Variants in TMIGD2 observed in about 807,000 individuals in gnomAD.
TMIGD2 encodes transmembrane and immunoglobulin domain containing 2, also known as transmembrane and immunoglobulin domain-containing protein 2.
In TMIGD2, 18 loss-of-function variants were observed where a neutral mutation model predicts 22.6. The observed-to-expected ratio is 0.80, with a 90% CI of 0.55 to 1.18. The LOEUF is 1.18. Among genes scored for constraint, TMIGD2 ranks in the 50% most tolerant of loss-of-function variants. The pLI is 0.00. For synonymous variants in TMIGD2, 184 were observed against 154.1 expected (o/e 1.19, Z -1.44); for missense variants, 361 against 378.2 (o/e 0.95, Z 0.38).
intron 1 of TMIGD2, among the ~76,000 whole-genome samples, chr19:4,299,537 C>T (rs1273024447): frequency 6.6e-6 from 1 of 151,444 alleles, no homozygotes; most frequent in Non-Finnish European, 1.5e-5. Context: ...CCATCTCACT[C>T]TGTTGCCCAG....
chr19:4,297,359 G>C (rs1424192255), intron 2 of TMIGD2, among the ~76,000 whole-genome samples: 1 of 151,392 alleles, frequency 6.6e-6, no homozygotes, highest in African/African-American at 2.4e-5. Flanking sequence ...ATGAGCTACC[G>C]CGCCCAGCTG....
exon 2 of TMIGD2, chr19:4,298,095 C>T (rs1971486199): frequency 1.2e-6 from 2 of 1,613,518 alleles, no homozygotes; most frequent in Non-Finnish European, 1.7e-6. Flanking sequence ...TCACAGGGTC[C>T]AGCTGCAGGG....
intron 1 of TMIGD2, among the ~76,000 whole-genome samples, chr19:4,299,472 A>G (rs1971506833): frequency 6.7e-6 from 1 of 149,722 alleles, no homozygotes; most frequent in Admixed American, 6.7e-5. Flanking sequence ...AGACCACGCC[A>G]CTGCACTCTA....
At chr19:4,292,698 G>GGGGCTGGGGCAGGGTCTC (rs763999374) in exon 5 of TMIGD2, 3 of 1,603,518 alleles carry the variant, frequency 1.9e-6, no homozygotes, top group African/African-American at 1.3e-5. Flanking sequence ...GGCCGGGCCT[G>GGGGCTGGGGCAGGGTCTC]GGGCTGGGGC....
At chr19:4,294,810 G>A (rs78320454) in exon 3 of TMIGD2, 236,842 of 1,581,542 alleles carry the variant, frequency 0.15, 18,965 homozygotes, top group South Asian at 0.2. Context: ...GTTCTGTGTG[G>A]GGTCATCTGC....
At chr19:4,302,196 C>T (rs1971545282) in intron 1 of TMIGD2, 144 bp downstream of exon 1, 2 of 854,892 alleles carry the variant, frequency 2.3e-6, no homozygotes, top group South Asian at 3.8e-5. Flanking sequence ...CTCCAGCCCC[C>T]ATCACGTTCT....
rs1971398848 is a variant in TMIGD2 at position 4,292,751 on chromosome 19, G to A, written c.697C>T (p.Gln233Ter). The change falls in exon 5 of 5, where the codon CAG becomes TAG. Residue 233 changes from glutamine (Q) to a stop codon, truncating the protein, a stop_gained. Coordinates refer to ENST00000301272, the Ensembl canonical transcript of TMIGD2. LOFTEE classifies it low-confidence loss of function (END_TRUNC). ...CAGGGTCTTGACGCCAGGTGCGGCT[G>A]GCGGGGGGCCGGTTGCGGGAAGGAG... The A allele has an allele frequency of 6.2e-7, 1 of 1,610,688 alleles. No homozygotes were observed. The highest frequency in any genetic ancestry group is 8.5e-7 in the Non-Finnish European group (1 of 1,179,006).
Position 4,292,888 on chromosome 19 carries a change from A to G in TMIGD2, c.563-3T>C, listed in dbSNP as rs922805722. 8.7e-6 allele frequency: 14 copies of G among 1,612,972 alleles called. No individual in the cohort carries two copies. The highest frequency in any genetic ancestry group is 1.2e-5 in the Non-Finnish European group (14 of 1,179,854). ...GACGTTGCTGTAGAATGCATTTCCT[A>G]GGATGGATGACACAGACCAAGAGGA... On this transcript the variant is annotated splice_polypyrimidine_tract_variant and splice_region_variant and intron_variant, in intron 4 of 4. Coordinates refer to ENST00000301272, the Ensembl canonical transcript of TMIGD2.
chr19:4,296,710 G>A (rs1486731899), intron 2 of TMIGD2, among the ~76,000 whole-genome samples: 4 of 105,698 alleles, frequency 3.8e-5, no homozygotes, highest in Non-Finnish European at 6.9e-5. Flanking sequence ...AGGCAGGCAC[G>A]TGTCCCCCGC....
At chr19:4,292,783 T>C (rs1971399881) in exon 5 of TMIGD2, 2 of 1,611,818 alleles carry the variant, frequency 1.2e-6, no homozygotes, top group Non-Finnish European at 1.7e-6. Context: ...GGAGGTTGAA[T>C]AAATGCTCTG....
intron 1 of TMIGD2, among the ~76,000 whole-genome samples, chr19:4,300,425 C>T (rs1375840868): frequency 6.6e-6 from 1 of 151,444 alleles, no homozygotes; most frequent in African/African-American, 2.4e-5. Context: ...GGTGTGGTGG[C>T]ATGTACCCGT....
chr19:4,296,690 C>G (rs1488832482), intron 2 of TMIGD2, among the ~76,000 whole-genome samples: 1 of 142,058 alleles, frequency 7.0e-6, no homozygotes, highest in African/African-American at 2.5e-5. Context: ...CATAACACAC[C>G]CCTCCCTTGA....
At chr19:4,293,789 T>G (rs933142956) in intron 4 of TMIGD2, among the ~76,000 whole-genome samples, 2 of 150,556 alleles carry the variant, frequency 1.3e-5, no homozygotes, top group African/African-American at 4.9e-5. Flanking sequence ...TGAGATGGAG[T>G]CTGGCTGTGT....
intron 4 of TMIGD2, among the ~76,000 whole-genome samples, chr19:4,293,612 T>G (rs1971417382): frequency 6.6e-6 from 1 of 151,624 alleles, no homozygotes; most frequent in Non-Finnish European, 1.5e-5. Flanking sequence ...TTGTTTGTTT[T>G]TTGAGACAGG....
chr19:4,294,711 A>G, intron 3 of TMIGD2, 31 bp from the exon 4 acceptor site: 1 of 1,571,290 alleles, frequency 6.4e-7, no homozygotes, highest in Non-Finnish European at 8.6e-7. Flanking sequence ...TGGTCTAATC[A>G]GGAGGGGAAG....
At chr19:4,294,785 T>C (rs771967538) in exon 3 of TMIGD2, 23 of 1,583,596 alleles carry the variant, frequency 1.5e-5, no homozygotes, top group Non-Finnish European at 2.0e-5. Context: ...CTGGGAAGCT[T>C]GCGATCCGGT....
At chr19:4,292,562 C>G in exon 5 of TMIGD2, 7 of 1,588,656 alleles carry the variant, frequency 4.4e-6, no homozygotes, top group Non-Finnish European at 6.0e-6. Flanking sequence ...TTGTGTGTAC[C>G]TATGGGTGGG....
chr19:4,293,319 G>A (rs1343791223), intron 4 of TMIGD2, among the ~76,000 whole-genome samples: 9 of 141,598 alleles, frequency 6.4e-5, no homozygotes, highest in African/African-American at 8.1e-5. Flanking sequence ...GTGTAGCAGC[G>A]GTGCGATCTC....
intron 4 of TMIGD2, among the ~76,000 whole-genome samples, chr19:4,293,590 C>A (rs1041597825): frequency 1.9e-4 from 28 of 148,000 alleles, no homozygotes; most frequent in African/African-American, 6.7e-4. Flanking sequence ...TTCAAACTGT[C>A]TTTTTGTTTG....
Sources: allele counts gnomAD v4.1 joint callset (sites outside exome capture counted in the v4.1 genomes callset), GRCh38; gene constraint gnomAD v4.1.1; transcripts MANE v1.5; gene names NCBI Gene and HGNC (gene_info 2026-07-23, HGNC 2026-07-21).